The following CHRM2 variants were observed in gnomAD, a reference collection of about 807,000 sequenced individuals.
The protein encoded by CHRM2 is cholinergic receptor muscarinic 2.
CHRM2 carries 8 observed loss-of-function variants against 25.0 expected under a neutral mutation model. That is an observed-to-expected ratio of 0.32 (90% CI 0.19 to 0.58). The LOEUF is 0.58. Among genes scored for constraint, CHRM2 ranks in the 20% least tolerant of loss-of-function variants. The pLI, the probability that CHRM2 is intolerant of heterozygous loss-of-function variation, is 0.88. For missense variants in CHRM2, 440 were observed against 567.1 expected (o/e 0.78, Z 2.28); for synonymous variants, 202 against 205.7 (o/e 0.98, Z 0.15).
At chr7:136,901,652 C>A (rs1797217698) in intron 2 of CHRM2, among the ~76,000 whole-genome samples, 1 of 151,932 alleles carries the variant, frequency 6.6e-6, no homozygotes, top group Admixed American at 6.6e-5. Flanking sequence ...TGAGAACATA[C>A]AGACGCTTTT....
At chr7:136,995,206 T>C (rs558658976) in intron 3 of CHRM2, among the ~76,000 whole-genome samples, 1 of 152,210 alleles carries the variant, frequency 6.6e-6, no homozygotes, top group East Asian at 1.9e-4. Flanking sequence ...TACATATACA[T>C]ACATCACAAT....
chr7:136,925,925 GGT>G, intron 2 of CHRM2, among the ~76,000 whole-genome samples: 1 of 152,258 alleles, frequency 6.6e-6, no homozygotes, highest in East Asian at 1.9e-4. Context: ...GCTTTAATAT[GGT>G]GTCCCTAACC....
chr7:136,912,994 T>G (rs7799307), intron 2 of CHRM2, among the ~76,000 whole-genome samples: 38,240 of 151,742 alleles, frequency 0.25, 5,442 homozygotes, highest in Non-Finnish European at 0.32. Flanking sequence ...AATTACTGTT[T>G]TAATTTAGCC....
chr7:136,884,602 T>C (rs977092382), intron 2 of CHRM2, among the ~76,000 whole-genome samples: 10 of 152,074 alleles, frequency 6.6e-5, no homozygotes, highest in African/African-American at 2.4e-4. Context: ...GAGCATTTCA[T>C]AGTCCAGAGA....
chr7:137,006,743 G>T (rs1323048760), intron 3 of CHRM2, among the ~76,000 whole-genome samples: 1 of 151,808 alleles, frequency 6.6e-6, no homozygotes, highest in South Asian at 2.1e-4. Context: ...GTATGTGTTT[G>T]GTGTGGCCTT....
intron 2 of CHRM2, among the ~76,000 whole-genome samples, chr7:136,877,363 A>G (rs955604203): frequency 6.6e-6 from 1 of 152,072 alleles, no homozygotes; most frequent in Admixed American, 6.6e-5. Flanking sequence ...ATGTCCTTGG[A>G]GTTAAATCAG....
chr7:136,942,829 A>AT (rs919251048), intron 2 of CHRM2, among the ~76,000 whole-genome samples: 18 of 151,876 alleles, frequency 1.2e-4, no homozygotes, highest in East Asian at 1.2e-3. Flanking sequence ...GCACAAGAGA[A>AT]TTTTTTTTTA....
intron 2 of CHRM2, among the ~76,000 whole-genome samples, chr7:136,878,357 T>C (rs560411459): frequency 1.1e-4 from 17 of 152,000 alleles, no homozygotes; most frequent in African/African-American, 4.1e-4. Context: ...AAGACTTTAT[T>C]TTTCTTTGTG....
rs138806839 is a variant in CHRM2, at chr7:137,015,979, C to A, written c.1114C>A (p.Pro372Thr). The A allele has an allele frequency of 6.2e-7, 1 of 1,613,088 alleles. No homozygotes were observed. Among genetic ancestry groups the A allele is most frequent in the East Asian group, 2.2e-5 (1 of 44,770 alleles). Residue 372 changes from proline to threonine, a missense_variant, in exon 4 of 4, where the codon CCT becomes ACT. This residue lies in a region of CHRM2 where 261 missense variants were observed against 261.8 expected (regional missense o/e 1.00). Transcript: ENST00000680005. The surrounding 1 kb of genome is among the most constrained non-coding windows in gnomAD (Gnocchi z 5.1). ...CAAGATTGTGAAGATGACTAAGCAG[C>A]CTGCAAAAAAGAAGCCTCCTCCTTC... is the stretch of plus-strand genomic sequence containing the variant. ...ARKIVKMTKQPAKKKPPPSRE... is the reference protein window; with the variant it reads ...ARKIVKMTKQTAKKKPPPSRE...
chr7:136,943,704 A>C (rs968442859), intron 2 of CHRM2, among the ~76,000 whole-genome samples: 2 of 39,530 alleles, frequency 5.1e-5, no homozygotes, highest in Non-Finnish European at 1.1e-4. Flanking sequence ...AGGAACTCAC[A>C]AGTTTTTCAA....
intron 2 of CHRM2, among the ~76,000 whole-genome samples, chr7:136,945,819 A>G (rs574614652): frequency 6.1e-4 from 93 of 152,256 alleles, no homozygotes; most frequent in African/African-American, 2.1e-3. Context: ...CATTTCAGCA[A>G]TCATTTACTG....
chr7:136,969,458 T>C (rs1430906573), intron 2 of CHRM2, among the ~76,000 whole-genome samples: 1 of 152,204 alleles, frequency 6.6e-6, no homozygotes, highest in East Asian at 1.9e-4. Context: ...CTTATTCAAA[T>C]TTCACCTGTA....
chr7:136,975,263 T>A (rs1236556379), intron 2 of CHRM2, among the ~76,000 whole-genome samples: 1 of 152,184 alleles, frequency 6.6e-6, no homozygotes, highest in Non-Finnish European at 1.5e-5. Flanking sequence ...TTCCTGTTTG[T>A]GTTCTGGAGT....
At chr7:136,901,534 C>T (rs908315213) in intron 2 of CHRM2, among the ~76,000 whole-genome samples, 1 of 151,944 alleles carries the variant, frequency 6.6e-6, no homozygotes, top group Non-Finnish European at 1.5e-5. Context: ...AGATCTCACC[C>T]GATCTTGTAG....
intron 3 of CHRM2, among the ~76,000 whole-genome samples, chr7:137,003,194 G>A (rs1349883180): frequency 6.6e-6 from 1 of 152,104 alleles, no homozygotes; most frequent in Non-Finnish European, 1.5e-5. Flanking sequence ...CTCTTAGAAA[G>A]ATATGCAGCC....
At chr7:136,911,907 C>A (rs906137222) in intron 2 of CHRM2, among the ~76,000 whole-genome samples, 1 of 151,842 alleles carries the variant, frequency 6.6e-6, no homozygotes, top group Non-Finnish European at 1.5e-5. Flanking sequence ...ACACTATCAT[C>A]CATAAAATTC....
At chr7:136,995,505 A>G (rs1200062334) in intron 3 of CHRM2, among the ~76,000 whole-genome samples, 1 of 152,188 alleles carries the variant, frequency 6.6e-6, no homozygotes, top group African/African-American at 2.4e-5. Context: ...GCTCATGCCC[A>G]TAATTCCAGT....
In CHRM2 at chr7:137,016,606, CTT is replaced by C; in HGVS notation, c.*345_*346del. 1 of 267,818 alleles carries C rather than the reference CTT, an allele frequency of 3.7e-6. No individual in the cohort carries two copies. Among genetic ancestry groups the C allele is most frequent in the Non-Finnish European group, 7.7e-6 (1 of 130,446 alleles). 16.6% of individuals were successfully genotyped at this position (267,818 alleles called of 1,614,324 possible). ...CTGCACAAGAGGAATAACCTTGTTC[CTT>C]TTTTGTTACTTTTGTTGTTGTTGTT... On this transcript the variant is annotated 3_prime_UTR_variant, in exon 4 of 4. Transcript: ENST00000680005.
intron 2 of CHRM2, among the ~76,000 whole-genome samples, chr7:136,935,709 T>C (rs1799373077): frequency 6.6e-6 from 1 of 152,178 alleles, no homozygotes; most frequent in Non-Finnish European, 1.5e-5. Flanking sequence ...GTTATTTTTA[T>C]TTAAAAGGAT....
Sources: allele counts gnomAD v4.1 joint callset (sites outside exome capture counted in the v4.1 genomes callset), GRCh38; gene constraint gnomAD v4.1.1; regional missense constraint gnomAD v4.1.1; non-coding constraint Gnocchi (gnomAD v3.1); transcripts MANE v1.5; gene names NCBI Gene and HGNC (gene_info 2026-07-23, HGNC 2026-07-21).